Variants in VSIG10 observed in about 807,000 individuals in gnomAD.
The protein encoded by VSIG10 is V-set and immunoglobulin domain-containing protein 10.
A neutral mutation model predicts 58.7 loss-of-function variants in VSIG10; 48 were observed. That is an observed-to-expected ratio of 0.82 (90% CI 0.65 to 1.04). VSIG10 has a LOEUF of 1.04. Ranked by LOEUF, VSIG10 falls within the 50% of genes least tolerant of loss-of-function variation. VSIG10 has a pLI of 0.00. For synonymous variants in VSIG10, 260 were observed against 267.1 expected, an observed-to-expected ratio of 0.97 and a Z score of 0.26; for missense variants, 628 against 670.0, an observed-to-expected ratio of 0.94 and a Z score of 0.69.
At position 118,066,580 on chromosome 12, in the gene VSIG10, C is replaced by T. The variant is rs1394020814; in HGVS notation, c.*59G>A. 1.9e-6 allele frequency: 3 copies of T among 1,574,918 alleles called. No homozygotes were observed. Among genetic ancestry groups the T allele is most frequent in the Non-Finnish European group, 2.6e-6 (3 of 1,144,456 alleles). The stretch of plus-strand genomic sequence containing the variant: ...TGGAGTCAAAGCTGAATGAAGAGCT[C>T]GTCTTCAATGTAGCTCTCCAAGCTT... On this transcript the variant is annotated 3_prime_UTR_variant, in exon 9 of 9. Coordinates refer to ENST00000359236, the MANE Select transcript of VSIG10 (RefSeq NM_019086.6).
chr12:118,088,782 C>G (rs982738884), intron 2 of VSIG10, among the ~76,000 whole-genome samples: 5 of 152,130 alleles, frequency 3.3e-5, no homozygotes, highest in African/African-American at 1.2e-4. Flanking sequence ...GTATCTGTGT[C>G]TGGTTTTCAC....
Position 118,066,634 on chromosome 12 carries a change from C to T in VSIG10, c.*5G>A, listed in dbSNP as rs201690227. On this transcript the variant is annotated 3_prime_UTR_variant, in exon 9 of 9. Transcript: ENST00000359236. ...GAGCAAGACAACCATGGACCATCCT[C>T]TTCTTCAGACTGGCCTGTCTTCTTC... The T allele has an allele frequency of 1.1e-5, 18 of 1,613,636 alleles. No individual in the cohort carries two copies. Among genetic ancestry groups the T allele is most frequent in the Non-Finnish European group, 1.4e-5 (16 of 1,179,814 alleles).
At chr12:118,070,950 A>G in intron 7 of VSIG10, 102 bp downstream of exon 7, 1 of 1,392,302 alleles carries the variant, frequency 7.2e-7, no homozygotes. Context: ...GTAGGTCCTC[A>G]ATGGTAGTTG....
intron 3 of VSIG10, 57 bp downstream of exon 3, chr12:118,082,067 TTCA>T: frequency 2.0e-6 from 3 of 1,499,594 alleles, no homozygotes; most frequent in Non-Finnish European, 2.7e-6. Context: ...AAACGTGCAG[TTCA>T]TAAGTTCACA....
At chr12:118,087,647 G>A (rs1404363434) in intron 2 of VSIG10, among the ~76,000 whole-genome samples, 1 of 151,736 alleles carries the variant, frequency 6.6e-6, no homozygotes, top group Non-Finnish European at 1.5e-5. Context: ...AACCAGCCTG[G>A]GCAATATAGT....
At chr12:118,082,037 A>AG (rs2032970264) in intron 3 of VSIG10, 90 bp downstream of exon 3, 1 of 1,299,144 alleles carries the variant, frequency 7.7e-7, no homozygotes. Context: ...AAAAAAAAAA[A>AG]AGACAAATGG....
intron 3 of VSIG10, 126 bp from the exon 4 acceptor site, chr12:118,079,732 A>C: frequency 7.6e-7 from 1 of 1,320,898 alleles, no homozygotes; most frequent in Non-Finnish European, 1.0e-6. Context: ...TTAGCATCTA[A>C]TAGCTCCTAG....
chr12:118,083,825 T>G (rs2033040529), intron 2 of VSIG10, among the ~76,000 whole-genome samples: 1 of 151,772 alleles, frequency 6.6e-6, no homozygotes, highest in East Asian at 2.0e-4. Flanking sequence ...CAAAAAAATT[T>G]TTTAAAGTTT....
intron 2 of VSIG10, among the ~76,000 whole-genome samples, chr12:118,094,901 G>A (rs970932873): frequency 2.2e-5 from 3 of 138,882 alleles, no homozygotes; most frequent in South Asian, 2.3e-4. Context: ...CATGCCTGGC[G>A]AATTTTTTTT....
Position 118,095,669 on chromosome 12 carries a change from TGGCCGGA to T in VSIG10, c.218_224del (p.Leu73GlnfsTer8). 9 of 1,613,956 alleles carry T rather than the reference TGGCCGGA, an allele frequency of 5.6e-6. No homozygotes were observed. Among genetic ancestry groups the T allele is most frequent in the Non-Finnish European group, 6.8e-6 (8 of 1,179,890 alleles). On this transcript the variant is annotated frameshift_variant, in exon 2 of 9. Coordinates refer to ENST00000359236, the MANE Select transcript of VSIG10 (RefSeq NM_019086.6). LOFTEE classifies it high-confidence loss of function. ...CCACTAGAGAGAAGCGAGGCTCAGC[TGGCCGGA>T]GGCTAGAGTTGGACGAGAGAAGGAA...
chr12:118,092,439 A>C (rs1225004471), intron 2 of VSIG10, among the ~76,000 whole-genome samples: 1 of 152,106 alleles, frequency 6.6e-6, no homozygotes, highest in East Asian at 1.9e-4. Context: ...GTGACCAGCA[A>C]ACTCTCTCTG....
rs551600929 is a variant in VSIG10, at chr12:118,092,201, G to A, written c.361+3332C>T. Among the ~76,000 whole-genome samples, 9 of 152,212 alleles carry A rather than the reference G, an allele frequency of 5.9e-5. No individual in the cohort carries two copies. The South Asian group carries it at 1.9e-3, about 32-fold the overall frequency. ...GCCTCCTGAATGGCTGGGACTACAG[G>A]TGCATGACACCATGCCCAGCTAATT... On this transcript the variant is annotated intron_variant, in intron 2 of 8. Coordinates refer to ENST00000359236, the MANE Select transcript of VSIG10 (RefSeq NM_019086.6).
At chr12:118,072,791 A>G (rs1032413098) in intron 5 of VSIG10, among the ~76,000 whole-genome samples, 1 of 152,200 alleles carries the variant, frequency 6.6e-6, no homozygotes, top group Non-Finnish European at 1.5e-5. Flanking sequence ...AGATGAGACT[A>G]GGCCTACAGG....
rs141835961 is a variant in VSIG10, at chr12:118,074,075, T to TTTTTG, written c.926-88_926-84dup. 4,703 of 1,398,068 alleles carry TTTTTG rather than the reference T, an allele frequency of 3.4e-3. 19 individuals are homozygous for TTTTTG. The highest frequency in any genetic ancestry group is 3.9e-3 in the Non-Finnish European group (4,092 of 1,046,604). The allele number at this position is 1,398,068 out of a possible 1,614,324, so 86.6% of individuals were successfully genotyped here. On this transcript the variant is annotated intron_variant, in intron 4 of 8. Coordinates refer to ENST00000359236, the MANE Select transcript of VSIG10 (RefSeq NM_019086.6). ...AGATCTGCAGGAAAACTGCAGTAGTTTTTTGTTTTGTTTTGTTTTGTTTTG... is the reference window on the plus strand; with the variant it reads ...AGATCTGCAGGAAAACTGCAGTAGTTTTTTGTTTTGTTTTGTTTTGTTTTGTTTTG...
intron 1 of VSIG10, among the ~76,000 whole-genome samples, chr12:118,101,390 G>A (rs2033619436): frequency 6.6e-6 from 1 of 152,144 alleles, no homozygotes; most frequent in South Asian, 2.1e-4. Flanking sequence ...GCAAATCACT[G>A]GGAGATGTGG....
intron 3 of VSIG10, among the ~76,000 whole-genome samples, chr12:118,080,145 T>C (rs982688123): frequency 6.6e-6 from 1 of 150,844 alleles, no homozygotes; most frequent in Non-Finnish European, 1.5e-5. Flanking sequence ...CGCTTTTGCA[T>C]TTCTTATTTA....
chr12:118,091,003 C>A (rs1273797553), intron 2 of VSIG10, among the ~76,000 whole-genome samples: 1 of 152,064 alleles, frequency 6.6e-6, no homozygotes, highest in Non-Finnish European at 1.5e-5. Context: ...GGTTTGGTGG[C>A]ACACATCTGT....
intron 2 of VSIG10, among the ~76,000 whole-genome samples, chr12:118,094,275 T>A (rs945590452): frequency 1.3e-5 from 2 of 152,230 alleles, no homozygotes; most frequent in Non-Finnish European, 2.9e-5. Context: ...TGATATACTG[T>A]AACTTTGTTA....
At chr12:118,092,838 G>T (rs912531422) in intron 2 of VSIG10, among the ~76,000 whole-genome samples, 1 of 151,394 alleles carries the variant, frequency 6.6e-6, no homozygotes, top group Admixed American at 6.6e-5. Flanking sequence ...GTCTTGCTAT[G>T]TTGCCAGGGC....
Sources: gnomAD v4.1 joint callset for allele counts (sites outside exome capture counted in the v4.1 genomes callset) on GRCh38, gnomAD v4.1.1 for gene constraint, MANE v1.5 for transcripts, NCBI Gene and HGNC (gene_info 2026-07-23, HGNC 2026-07-21) for gene names.